The following WDR49 variants were observed in gnomAD, a reference collection of about 807,000 sequenced individuals.
WDR49 encodes the protein WD repeat domain 49.
In WDR49, 107 loss-of-function variants were observed where a neutral mutation model predicts 119.5. The observed-to-expected ratio is 0.90, with a 90% CI of 0.77 to 1.05. The LOEUF (loss-of-function observed/expected upper bound fraction) is 1.05, where lower values mean the gene tolerates loss of function less well. Ranked by LOEUF, WDR49 falls within the 50% of genes least tolerant of loss-of-function variation. The probability of loss-of-function intolerance (pLI) is 0.00; values close to 1 mark genes in which losing one functional copy is unlikely to be tolerated. For missense variants in WDR49, 1,240 were observed against 1,220.5 expected, an observed-to-expected ratio of 1.02 and a Z score of -0.24; for synonymous variants, 425 against 418.8, an observed-to-expected ratio of 1.01 and a Z score of -0.18.
At chr3:167,602,464 G>C (rs1437628995) in intron 6 of WDR49, among the ~76,000 whole-genome samples, 189 bp from the exon 7 acceptor site, 2 of 152,104 alleles carry the variant, frequency 1.3e-5, no homozygotes, top group Non-Finnish European at 2.9e-5. Context: ...AATAGAAATA[G>C]TTGAAATGGA....
intron 2 of WDR49, among the ~76,000 whole-genome samples, chr3:167,628,313 A>G (rs577748570): frequency 6.6e-6 from 1 of 152,224 alleles, no homozygotes; most frequent in African/African-American, 2.4e-5. Context: ...TTAATGGGGA[A>G]TGCATGTCAA....
intron 10 of WDR49, among the ~76,000 whole-genome samples, chr3:167,540,959 A>G (rs1380848195): frequency 6.6e-6 from 1 of 152,080 alleles, no homozygotes; most frequent in Non-Finnish European, 1.5e-5. Flanking sequence ...AGAACTTCAG[A>G]GCTCAAAGAC....
intron 5 of WDR49, among the ~76,000 whole-genome samples, chr3:167,605,784 C>T (rs905553538): frequency 2.0e-5 from 3 of 152,114 alleles, no homozygotes; most frequent in African/African-American, 7.2e-5. Context: ...ACTTCTATAT[C>T]TCATAGGTAA....
chr3:167,648,065 C>CCA (rs10638099), intron 2 of WDR49, among the ~76,000 whole-genome samples: 7,961 of 152,184 alleles, frequency 0.052, 664 homozygotes, highest in African/African-American at 0.18. Context: ...GAAATCATGC[C>CCA]ATATATGGAC....
chr3:167,481,375 A>G (rs1022159208), intron 18 of WDR49, among the ~76,000 whole-genome samples: 1 of 152,110 alleles, frequency 6.6e-6, no homozygotes, highest in African/African-American at 2.4e-5. Context: ...GAAGTGATGA[A>G]ATATGAGGTA....
intron 5 of WDR49, among the ~76,000 whole-genome samples, 161 bp downstream of exon 5, chr3:167,620,268 C>T (rs1357641328): frequency 6.6e-6 from 1 of 152,094 alleles, no homozygotes. Context: ...GAAAGAATCC[C>T]TGCCAGTATT....
At chr3:167,647,432 A>G (rs895377706) in intron 2 of WDR49, among the ~76,000 whole-genome samples, 6 of 152,224 alleles carry the variant, frequency 3.9e-5, no homozygotes, top group African/African-American at 1.4e-4. Flanking sequence ...AGGATTTGGA[A>G]GGCAAATTTT....
intron 7 of WDR49, among the ~76,000 whole-genome samples, chr3:167,588,909 T>C (rs1053957229): frequency 6.6e-6 from 1 of 152,186 alleles, no homozygotes; most frequent in African/African-American, 2.4e-5. Flanking sequence ...TTATTGATTG[T>C]ATACTTTGCT....
At chr3:167,584,624 C>A (rs557309707) in intron 7 of WDR49, among the ~76,000 whole-genome samples, 1 of 151,984 alleles carries the variant, frequency 6.6e-6, no homozygotes, top group South Asian at 2.1e-4. Flanking sequence ...CATATACAAA[C>A]AAATTCATGT....
chr3:167,621,688 T>C (rs1364455950), intron 3 of WDR49, 45 bp from the exon 4 acceptor site: 1 of 1,481,750 alleles, frequency 6.7e-7, no homozygotes, highest in South Asian at 1.3e-5. Flanking sequence ...CTGATGGATT[T>C]AGCAAAATTA....
chr3:167,523,474 C>T (rs1443427205), intron 15 of WDR49, among the ~76,000 whole-genome samples: 2 of 151,594 alleles, frequency 1.3e-5, no homozygotes, highest in Non-Finnish European at 2.9e-5. Context: ...TGGCTTGCTG[C>T]ACCTATCAAC....
Position 167,627,246 on chromosome 3 carries a change from G to C in WDR49, c.212C>G (p.Thr71Arg), listed in dbSNP as rs772707839. Residue 71 changes from threonine to arginine, a missense_variant, in exon 3 of 19, where the codon ACG (threonine) becomes AGG (arginine). Physicochemically the swap from Thr to Arg is moderately conservative, Grantham distance 71. Transcript: ENST00000682715. Reference protein sequence around the residue: ...KIICMSREDFTQKMTEIVGWG... With the variant: ...KIICMSREDFRQKMTEIVGWG... ...ACCAACAATCTCTGTCATCTTCTGC[G>C]TGAAGTCTTCTCTGGACATACAAAT... The C allele has an allele frequency of 8.0e-7, 1 of 1,248,952 alleles. No individual in the cohort carries two copies. Among genetic ancestry groups the C allele is most frequent in the African/African-American group, 1.5e-5 (1 of 64,844 alleles). The allele number at this position is 1,248,952 out of a possible 1,614,324, so 77.4% of individuals were successfully genotyped here.
At chr3:167,657,834 T>A (rs1320948127), upstream of WDR49, among the ~76,000 whole-genome samples, 1 of 152,216 alleles carries the variant, frequency 6.6e-6, no homozygotes, top group East Asian at 1.9e-4. Flanking sequence ...ATCATCTTCT[T>A]GCCTCTTGAC....
At chr3:167,538,658 G>C (rs1401840415) in intron 10 of WDR49, among the ~76,000 whole-genome samples, 1 of 152,040 alleles carries the variant, frequency 6.6e-6, no homozygotes, top group Non-Finnish European at 1.5e-5. Flanking sequence ...TCATAGTGAT[G>C]CAGGGTACAG....
At chr3:167,529,619 C>A (rs1232575903) in intron 13 of WDR49, among the ~76,000 whole-genome samples, 1 of 152,002 alleles carries the variant, frequency 6.6e-6, no homozygotes, top group Non-Finnish European at 1.5e-5. Context: ...TCCCTAATAA[C>A]CCACTGGACA....
At chr3:167,571,556 C>T (rs187023076) in intron 8 of WDR49, among the ~76,000 whole-genome samples, 32 of 152,144 alleles carry the variant, frequency 2.1e-4, no homozygotes, top group Admixed American at 6.5e-4. Context: ...CAGTAAATTA[C>T]GATACATATA....
intron 12 of WDR49, among the ~76,000 whole-genome samples, 181 bp downstream of exon 12, chr3:167,532,698 A>T (rs1266546349): frequency 6.6e-6 from 1 of 152,170 alleles, no homozygotes; most frequent in African/African-American, 2.4e-5. Context: ...GAGTGTGCTA[A>T]GCCAAGTAAA....
At chr3:167,553,025 T>A (rs1376949104) in intron 10 of WDR49, among the ~76,000 whole-genome samples, 2 of 152,048 alleles carry the variant, frequency 1.3e-5, no homozygotes, top group African/African-American at 4.8e-5. Flanking sequence ...TAACGGTCCA[T>A]CCTCCTGTAA....
chr3:167,507,161 G>A (rs944067552), intron 16 of WDR49, among the ~76,000 whole-genome samples: 2 of 152,144 alleles, frequency 1.3e-5, no homozygotes, highest in African/African-American at 4.8e-5. Context: ...ACATTTAAGA[G>A]GGGATGGGGG....
Sources: allele counts gnomAD v4.1 joint callset (sites outside exome capture counted in the v4.1 genomes callset), GRCh38; gene constraint gnomAD v4.1.1; transcripts MANE v1.5; gene names NCBI Gene and HGNC (gene_info 2026-07-23, HGNC 2026-07-21).